The following KCNQ3 variants were observed in gnomAD, a reference collection of about 807,000 sequenced individuals.
The protein encoded by KCNQ3 is potassium voltage-gated channel subfamily KQT member 3.
KCNQ3 carries 30 observed loss-of-function variants against 92.5 expected under a neutral mutation model. The ratio of observed to expected loss-of-function variants is 0.32; its 90% CI spans 0.24 to 0.44. The LOEUF (loss-of-function observed/expected upper bound fraction) is 0.44, where lower values mean the gene tolerates loss of function less well. Among genes scored for constraint, KCNQ3 ranks in the 20% least tolerant of loss-of-function variants. KCNQ3 has a pLI of 1.00. For missense variants in KCNQ3, 913 were observed against 1,140.3 expected (o/e 0.80, Z 2.87); for synonymous variants, 450 against 468.8 (o/e 0.96, Z 0.52).
chr8:132,259,788 A>C (rs1337213597), intron 1 of KCNQ3, among the ~76,000 whole-genome samples: 5 of 152,210 alleles, frequency 3.3e-5, no homozygotes, highest in Non-Finnish European at 4.4e-5. Context: ...AGAACTAATA[A>C]AACAGTTTAG....
At chr8:132,466,358 GGAC>G (rs573539300) in intron 1 of KCNQ3, among the ~76,000 whole-genome samples, 120 of 151,770 alleles carry the variant, frequency 7.9e-4, no homozygotes, top group African/African-American at 2.8e-3. Context: ...ACGAACCAGA[GGAC>G]GACTACCAGT....
At chr8:132,311,772 G>A (rs1471350616) in intron 1 of KCNQ3, among the ~76,000 whole-genome samples, 1 of 152,032 alleles carries the variant, frequency 6.6e-6, no homozygotes, top group Non-Finnish European at 1.5e-5. Flanking sequence ...CTATGAAAGA[G>A]AGGCCCTACC....
At chr8:132,218,334 T>A (rs778358087) in intron 1 of KCNQ3, among the ~76,000 whole-genome samples, 1 of 152,198 alleles carries the variant, frequency 6.6e-6, no homozygotes, top group Non-Finnish European at 1.5e-5. Context: ...AGAGTCATGC[T>A]ACATCCCAAG....
chr8:132,288,920 G>A (rs1344590031), intron 1 of KCNQ3, among the ~76,000 whole-genome samples: 2 of 152,162 alleles, frequency 1.3e-5, no homozygotes, highest in Non-Finnish European at 2.9e-5. Flanking sequence ...TATTATTTAT[G>A]CTATCAGATG....
intron 1 of KCNQ3, among the ~76,000 whole-genome samples, chr8:132,209,566 C>T (rs1429799168): frequency 2.6e-5 from 4 of 151,676 alleles, no homozygotes; most frequent in Admixed American, 1.3e-4. Context: ...CACACACACA[C>T]GTATTGATGG....
intron 1 of KCNQ3, among the ~76,000 whole-genome samples, chr8:132,471,684 G>A (rs1314357930): frequency 2.0e-5 from 3 of 152,048 alleles, no homozygotes; most frequent in Admixed American, 2.0e-4. Flanking sequence ...AGAGAATAGA[G>A]GAAACACCTT....
chr8:132,245,349 C>CA (rs911711176), intron 1 of KCNQ3, among the ~76,000 whole-genome samples: 1 of 152,158 alleles, frequency 6.6e-6, no homozygotes, highest in African/African-American at 2.4e-5. Context: ...CATCATTCTG[C>CA]AAAACTCCTA....
chr8:132,220,933 A>C (rs1389248176), intron 1 of KCNQ3, among the ~76,000 whole-genome samples: 1 of 151,988 alleles, frequency 6.6e-6, no homozygotes, highest in Non-Finnish European at 1.5e-5. Context: ...CATCATTTAC[A>C]TTAGGTATTT....
chr8:132,433,742 T>A (rs1821312616), intron 1 of KCNQ3, among the ~76,000 whole-genome samples: 1 of 151,570 alleles, frequency 6.6e-6, no homozygotes, highest in African/African-American at 2.4e-5. Context: ...GTACCAAAAT[T>A]AGCTGGATGT....
intron 1 of KCNQ3, among the ~76,000 whole-genome samples, chr8:132,241,556 G>A (rs1043945836): frequency 6.6e-6 from 1 of 152,018 alleles, no homozygotes; most frequent in African/African-American, 2.4e-5. Flanking sequence ...TCATTGGGCT[G>A]GGCACAGTAG....
At chr8:132,155,424 C>T (rs750777133) in intron 9 of KCNQ3, among the ~76,000 whole-genome samples, 1 of 152,150 alleles carries the variant, frequency 6.6e-6, no homozygotes, top group Non-Finnish European at 1.5e-5. Flanking sequence ...GCCAAGAAAA[C>T]CTGGAAATAT....
intron 1 of KCNQ3, among the ~76,000 whole-genome samples, chr8:132,369,930 C>T (rs1281542915): frequency 5.9e-5 from 9 of 152,198 alleles, no homozygotes; most frequent in Admixed American, 5.9e-4. Context: ...TCCACACTTT[C>T]CTCACTCTAG....
chr8:132,373,207 G>A (rs886528169), intron 1 of KCNQ3, among the ~76,000 whole-genome samples: 1 of 151,936 alleles, frequency 6.6e-6, no homozygotes, highest in Non-Finnish European at 1.5e-5. Context: ...AGCCACCTGC[G>A]GTCTGAACAC....
At chr8:132,134,805 C>A (rs1215297163) in intron 12 of KCNQ3, among the ~76,000 whole-genome samples, 1 of 151,356 alleles carries the variant, frequency 6.6e-6, no homozygotes, top group East Asian at 1.9e-4. Context: ...GTCTTTTCTT[C>A]CAATTCTTCT....
intron 1 of KCNQ3, among the ~76,000 whole-genome samples, chr8:132,391,787 CCACATTCCATGTGGGGAGCAGCAT>C (rs1239938017): frequency 1.3e-5 from 2 of 152,186 alleles, no homozygotes; most frequent in African/African-American, 2.4e-5. Flanking sequence ...GCCTTCTGCA[CCACATTCCATGTGGGGAGCAGCAT>C]CTGCTTGCAA....
chr8:132,220,015 C>A (rs1814170481), intron 1 of KCNQ3, among the ~76,000 whole-genome samples: 1 of 152,054 alleles, frequency 6.6e-6, no homozygotes, highest in Admixed American at 6.6e-5. Context: ...TTTTTTAATT[C>A]TGATTCTCTT....
chr8:132,453,888 G>A (rs779533670), intron 1 of KCNQ3, among the ~76,000 whole-genome samples: 1 of 152,112 alleles, frequency 6.6e-6, no homozygotes, highest in Non-Finnish European at 1.5e-5. Flanking sequence ...CAGTCCCCAC[G>A]GAAGCCAGTG....
At chr8:132,339,341 C>T (rs754387179) in intron 1 of KCNQ3, among the ~76,000 whole-genome samples, 14 of 152,200 alleles carry the variant, frequency 9.2e-5, no homozygotes, top group African/African-American at 2.7e-4. Flanking sequence ...TCGAACTGGG[C>T]AATCTAGAGG....
At chr8:132,421,582 G>C (rs1204999338) in intron 1 of KCNQ3, among the ~76,000 whole-genome samples, 1 of 152,200 alleles carries the variant, frequency 6.6e-6, no homozygotes, top group Non-Finnish European at 1.5e-5. Flanking sequence ...GGGGCAGATG[G>C]TGGGTGGTAA....
Sources: gnomAD v4.1 joint callset for allele counts (sites outside exome capture counted in the v4.1 genomes callset) on GRCh38, gnomAD v4.1.1 for gene constraint, MANE v1.5 for transcripts, NCBI Gene and HGNC (gene_info 2026-07-23, HGNC 2026-07-21) for gene names.